The following C12orf50 variants were observed in gnomAD, a reference collection of about 807,000 sequenced individuals.
C12orf50 encodes uncharacterized protein C12orf50.
C12orf50 carries 35 observed loss-of-function variants against 61.6 expected under a neutral mutation model. The ratio of observed to expected loss-of-function variants is 0.57; its 90% CI spans 0.43 to 0.75. The LOEUF is 0.75. C12orf50 is among the 30% of genes least tolerant of loss of function. The probability of loss-of-function intolerance (pLI) is 0.00; values close to 1 mark genes in which losing one functional copy is unlikely to be tolerated. For missense variants in C12orf50, 475 were observed against 488.5 expected (o/e 0.97, Z 0.26); for synonymous variants, 178 against 161.5 (o/e 1.10, Z -0.77).
chr12:88,003,103 G>A (rs9645782), intron 3 of C12orf50, among the ~76,000 whole-genome samples: 13,593 of 151,492 alleles, frequency 0.09, 691 homozygotes, highest in African/African-American at 0.12. Flanking sequence ...GATCAAGTAG[G>A]TATTTATAGT....
intron 3 of C12orf50, among the ~76,000 whole-genome samples, chr12:88,000,463 A>G (rs185249704): frequency 2.6e-5 from 4 of 152,034 alleles, no homozygotes; most frequent in Non-Finnish European, 5.9e-5. Context: ...AGATTTTGAA[A>G]TCAGGAAGTG....
chr12:88,028,676 A>G (rs2136513344), intron 1 of C12orf50, among the ~76,000 whole-genome samples: 1 of 152,250 alleles, frequency 6.6e-6, no homozygotes, highest in South Asian at 2.1e-4. Flanking sequence ...CACTTACCTG[A>G]ATTCAACTAT....
chr12:88,001,399 T>C (rs1021196106), intron 3 of C12orf50, among the ~76,000 whole-genome samples: 4 of 151,624 alleles, frequency 2.6e-5, no homozygotes, highest in Admixed American at 2.0e-4. Flanking sequence ...ATTTTAAAGC[T>C]GTCAGATTTA....
chr12:88,026,413 T>C (rs2136506827), intron 3 of C12orf50, 75 bp downstream of exon 3: 1 of 1,489,672 alleles, frequency 6.7e-7, no homozygotes, highest in South Asian at 1.3e-5. Context: ...ACTTTTTAAA[T>C]GTGTCATTCT....
intron 3 of C12orf50, among the ~76,000 whole-genome samples, chr12:88,006,508 G>A (rs2031891028): frequency 6.6e-6 from 1 of 152,146 alleles, no homozygotes; most frequent in South Asian, 2.1e-4. Context: ...TTGGAGTGAC[G>A]CCCTGTTTTA....
At chr12:87,989,434 T>C (rs760715210) in intron 7 of C12orf50, 63 bp from the exon 8 acceptor site, 84 of 1,172,378 alleles carry the variant, frequency 7.2e-5, no homozygotes, top group Non-Finnish European at 1.0e-4. Flanking sequence ...TAGCTTTCAA[T>C]ACAGGAACAT....
intron 3 of C12orf50, among the ~76,000 whole-genome samples, chr12:88,006,671 G>A (rs1291270990): frequency 2.0e-5 from 3 of 152,150 alleles, no homozygotes; most frequent in Non-Finnish European, 2.9e-5. Context: ...TTTGCTTTAT[G>A]CTTGGGGCTG....
chr12:88,006,574 T>G (rs1321927142), intron 3 of C12orf50, among the ~76,000 whole-genome samples: 1 of 152,188 alleles, frequency 6.6e-6, no homozygotes, highest in African/African-American at 2.4e-5. Flanking sequence ...TTGTGCCTCC[T>G]GGCATGGGAC....
chr12:87,986,101 A>C, intron 10 of C12orf50, 48 bp from the exon 11 acceptor site: 1 of 1,565,150 alleles, frequency 6.4e-7, no homozygotes, highest in Non-Finnish European at 8.8e-7. Flanking sequence ...GGCTGGTTTC[A>C]CACCCATAAA....
At chr12:88,028,322 T>C (rs185080374) in intron 1 of C12orf50, among the ~76,000 whole-genome samples, 1 of 152,232 alleles carries the variant, frequency 6.6e-6, no homozygotes, top group African/African-American at 2.4e-5. Context: ...GTCAGAGAGG[T>C]TGACTCCATT....
chr12:87,984,820 C>G (rs1192701173), intron 11 of C12orf50: 2 of 152,110 alleles, frequency 1.3e-5, no homozygotes, highest in Non-Finnish European at 2.9e-5. Flanking sequence ...ACATTGGCAG[C>G]TCTTCTAGTA....
In C12orf50 at chr12:87,988,713, T is replaced by C. The variant is rs144917471; in HGVS notation, c.700+551A>G. On this transcript the variant is annotated intron_variant, in intron 8 of 12. Transcript: ENST00000298699. ...TAGATAAAATGGGTTTACATTTTGA[T>C]TGAAAGTATGTGAAGCCCCCTAATT... 1.2e-3 allele frequency among the ~76,000 whole-genome samples: 181 copies of C among 152,266 alleles called. 1 individual carries two copies. The highest frequency in any genetic ancestry group is 4.0e-4 in the Non-Finnish European group (27 of 68,014).
chr12:88,007,420 A>G (rs1050638488), intron 3 of C12orf50, among the ~76,000 whole-genome samples: 6 of 152,240 alleles, frequency 3.9e-5, no homozygotes, highest in South Asian at 2.1e-4. Flanking sequence ...TGGGTAATTT[A>G]TAAACAACAG....
At chr12:87,990,413 C>A (rs1466616122) in intron 7 of C12orf50, among the ~76,000 whole-genome samples, 1 of 152,158 alleles carries the variant, frequency 6.6e-6, no homozygotes, top group Non-Finnish European at 1.5e-5. Context: ...TTCCTAGCCT[C>A]AAGGAGCTTA....
intron 3 of C12orf50, among the ~76,000 whole-genome samples, chr12:88,007,851 C>T (rs2031944735): frequency 1.3e-5 from 2 of 151,558 alleles, no homozygotes; most frequent in African/African-American, 2.4e-5. Flanking sequence ...AATTAAATGC[C>T]AGTGATAATT....
chr12:87,998,031 T>C lies in C12orf50; in HGVS notation c.289+4A>G. On this transcript the variant is annotated splice_donor_region_variant and intron_variant, in intron 4 of 12. Transcript: ENST00000298699. ...ATTGTAAACCTGAAAAAAGTTCTAC[T>C]AACCATTTTGTTCATCTACTTCCTC... 1.2e-6 allele frequency: 2 copies of C among 1,605,392 alleles called. No homozygotes were observed. The highest frequency in any genetic ancestry group is 1.7e-6 in the Non-Finnish European group (2 of 1,175,664).
chr12:87,996,594 T>C lies in C12orf50; in HGVS notation c.342A>G (p.Ala114=). ...CAGATTTATAACACATCTCCTTTAT[T>C]GCTCTTTTTTCTTCAATTTCTTCAG... is the stretch of plus-strand genomic sequence containing the variant. The part of the protein sequence containing the change: ...KTPEEIEEKR[A]IKEMCYKSGE... Residue 114 remains alanine (A), a synonymous_variant, in exon 5 of 13, where the codon GCA becomes GCG. Transcript: ENST00000298699. The C allele has an allele frequency of 1.9e-6, 3 of 1,610,016 alleles. No individual in the cohort carries two copies. The highest frequency in any genetic ancestry group is 2.5e-6 in the Non-Finnish European group (3 of 1,176,642).
At chr12:88,021,565 G>A (rs2136492918) in intron 3 of C12orf50, among the ~76,000 whole-genome samples, 1 of 152,034 alleles carries the variant, frequency 6.6e-6, no homozygotes, top group East Asian at 1.9e-4. Context: ...TTGAACCCTG[G>A]AACCAGAGGT....
chr12:88,021,863 C>A lies in C12orf50; in HGVS notation c.133+4625G>T, dbSNP rs527727996. ...TATAAGTAAGAAAAAGCCTACCAACCAAAAAAAACCCAGGGCCAGATAGAT... is the reference window on the plus strand; with the variant it reads ...TATAAGTAAGAAAAAGCCTACCAACAAAAAAAAACCCAGGGCCAGATAGAT... On this transcript the variant is annotated intron_variant, in intron 3 of 12. Transcript: ENST00000298699. Among the ~76,000 whole-genome samples, 156 of 151,160 alleles carry A rather than the reference C, an allele frequency of 1.0e-3. 1 individual carries two copies. Among genetic ancestry groups the A allele is most frequent in the African/African-American group, 3.7e-3 (152 of 41,202 alleles).
Sources: gnomAD v4.1 joint callset for allele counts (sites outside exome capture counted in the v4.1 genomes callset) on GRCh38, gnomAD v4.1.1 for gene constraint, MANE v1.5 for transcripts, NCBI Gene and HGNC (gene_info 2026-07-23, HGNC 2026-07-21) for gene names.